BRWD1: variants seen among roughly 807,000 people sequenced by gnomAD.
BRWD1 encodes bromodomain and WD repeat-containing protein 1.
A neutral mutation model predicts 251.2 loss-of-function variants in BRWD1; 82 were observed. That is an observed-to-expected ratio of 0.33 (90% confidence interval 0.27 to 0.39). BRWD1 has a LOEUF of 0.39. Among genes scored for constraint, BRWD1 ranks in the 10% least tolerant of loss-of-function variants. The pLI is 1.00. For synonymous variants in BRWD1, 918 were observed against 902.8 expected (o/e 1.02, Z -0.30); for missense variants, 2,233 against 2,711.6 (o/e 0.82, Z 3.92).
At chr21:39,310,737 G>A (rs1392718957) in intron 4 of BRWD1, among the ~76,000 whole-genome samples, 3 of 152,196 alleles carry the variant, frequency 2.0e-5, no homozygotes, top group Non-Finnish European at 2.9e-5. Flanking sequence ...CTAGGCTGGA[G>A]CACAGTGGCT....
At chr21:39,216,820 A>G (rs1015379047) in intron 31 of BRWD1, 5 of 244,144 alleles carry the variant, frequency 2.0e-5, no homozygotes, top group Non-Finnish European at 4.0e-5. Context: ...GGGTACAAGT[A>G]CAGGATTGTT....
intron 32 of BRWD1, among the ~76,000 whole-genome samples, chr21:39,215,032 T>TA (rs1292180024): frequency 6.9e-6 from 1 of 144,364 alleles, no homozygotes; most frequent in African/African-American, 2.6e-5. Context: ...CACGCCCGGC[T>TA]AATTTTTGTA....
chr21:39,235,403 T>C (rs933096614), intron 23 of BRWD1: 1 of 153,226 alleles, frequency 6.5e-6, no homozygotes, highest in African/African-American at 2.4e-5. Context: ...TGCTGTGGCT[T>C]CTCTTCTGTG....
At chr21:39,257,215 A>T (rs1176232239) in intron 18 of BRWD1, among the ~76,000 whole-genome samples, 2 of 151,968 alleles carry the variant, frequency 1.3e-5, no homozygotes, top group South Asian at 2.1e-4. Flanking sequence ...AAAAAAAAAA[A>T]AAAAAATAGG....
Position 39,258,530 on chromosome 21 carries a change from A to G in BRWD1, c.2028T>C (p.Thr676=). The G allele has an allele frequency of 6.2e-7, 1 of 1,610,168 alleles. No individual in the cohort carries two copies. Among genetic ancestry groups the G allele is most frequent in the Non-Finnish European group, 8.5e-7 (1 of 1,178,134 alleles). The change falls in exon 18 of 41, where the codon ACT becomes ACC. Residue 676 remains threonine, a synonymous_variant. Coordinates refer to ENST00000342449, the MANE Select transcript of BRWD1 (RefSeq NM_033656.4). ...CACCATTTGAAAGTCCTCTTGGAAT[A>G]GTATCCTGATCTGCTCCCATTCTCT... ...QDQRMGADQD[T]IPRGLSNGEE...
At chr21:39,231,951 G>C (rs370185090) in intron 25 of BRWD1, among the ~76,000 whole-genome samples, 1 of 152,008 alleles carries the variant, frequency 6.6e-6, no homozygotes, top group African/African-American at 2.4e-5. Flanking sequence ...GAAACTCTAG[G>C]TTGTTGCATT....
chr21:39,294,149 CT>C, intron 7 of BRWD1, 117 bp from the exon 8 acceptor site: 1 of 750,394 alleles, frequency 1.3e-6, no homozygotes, highest in Non-Finnish European at 2.1e-6. Flanking sequence ...ATAGAATACT[CT>C]CTTATTTATG....
intron 36 of BRWD1, among the ~76,000 whole-genome samples, chr21:39,207,597 G>A (rs2032467245): frequency 6.6e-6 from 1 of 152,040 alleles, no homozygotes; most frequent in African/African-American, 2.4e-5. Context: ...CAGTGTAGTG[G>A]TTCCTGGAAA....
chr21:39,199,800 G>A, intron 39 of BRWD1, 138 bp from the exon 40 acceptor site: 9 of 899,590 alleles, frequency 1.0e-5, no homozygotes, highest in Non-Finnish European at 1.5e-5. Context: ...GCCCAGGCTG[G>A]AGTGCAATGG....
Position 39,195,105 on chromosome 21 carries a change from A to G in BRWD1, c.*1154T>C. ...GGATTATAAAATTATTTTCCCACAA[A>G]ACATGACAGTTTCTTATATTTGGAC... On this transcript the variant is annotated 3_prime_UTR_variant, in exon 41 of 41. Coordinates refer to ENST00000342449, the MANE Select transcript of BRWD1 (RefSeq NM_033656.4). 1 of 1,193,026 alleles carries G rather than the reference A, an allele frequency of 8.4e-7. No homozygotes were observed. The highest frequency in any genetic ancestry group is 1.6e-5 in the African/African-American group (1 of 63,370). The allele number at this position is 1,193,026 out of a possible 1,614,324, so 73.9% of individuals were successfully genotyped here.
chr21:39,206,772 G>C (rs1228171478), intron 36 of BRWD1, among the ~76,000 whole-genome samples: 1 of 152,200 alleles, frequency 6.6e-6, no homozygotes, highest in Admixed American at 6.5e-5. Flanking sequence ...TCCAGTAGCA[G>C]AAAGTATAAC....
chr21:39,288,825 A>C (rs2035721649), intron 8 of BRWD1, among the ~76,000 whole-genome samples: 1 of 152,236 alleles, frequency 6.6e-6, no homozygotes, highest in Admixed American at 6.5e-5. Flanking sequence ...CATGTTGAAT[A>C]GGCTGAAGAG....
intron 17 of BRWD1, among the ~76,000 whole-genome samples, chr21:39,260,311 T>C (rs563592015): frequency 6.6e-6 from 1 of 151,316 alleles, no homozygotes; most frequent in East Asian, 1.9e-4. Flanking sequence ...CTTTTTTTTC[T>C]TTTTGGTAGA....
At chr21:39,235,928 G>T in intron 23 of BRWD1, 1 of 193,694 alleles carries the variant, frequency 5.2e-6, no homozygotes, top group South Asian at 1.2e-4. Context: ...GGTCCTGCCA[G>T]ATCTGTGTCA....
At chr21:39,313,616 TACCGTGCGCGCCGCCTGG>T in exon 1 of BRWD1, 1 of 724,416 alleles carries the variant, frequency 1.4e-6, no homozygotes, top group Non-Finnish European at 1.9e-6. Context: ...GCCGCCGCCA[TACCGTGCGCGCCGCCTGG>T]ACCGACGCCT....
At chr21:39,316,080 A>G (rs58086329), upstream of BRWD1, among the ~76,000 whole-genome samples, 5 of 152,336 alleles carry the variant, frequency 3.3e-5, no homozygotes, top group East Asian at 9.6e-4. Flanking sequence ...GAAAGATTCT[A>G]AGCCAGGAAG....
At chr21:39,278,525 A>G in intron 10 of BRWD1, 1 of 481,190 alleles carries the variant, frequency 2.1e-6, no homozygotes, top group Non-Finnish European at 3.7e-6. Flanking sequence ...TTTACCAGCC[A>G]TCTCTTATAT....
At chr21:39,314,374 G>A (rs1404000350), upstream of BRWD1, 2 of 454,750 alleles carry the variant, frequency 4.4e-6, no homozygotes, top group African/African-American at 2.0e-5. Flanking sequence ...CGGGGGAGCA[G>A]CGCGCAGCTG....
At chr21:39,271,166 C>A (rs1357365101) in intron 13 of BRWD1, among the ~76,000 whole-genome samples, 1 of 151,988 alleles carries the variant, frequency 6.6e-6, no homozygotes, top group African/African-American at 2.4e-5. Context: ...GTGGCACACA[C>A]CTGTATTCCC....
Sources: gnomAD v4.1 joint callset for allele counts (sites outside exome capture counted in the v4.1 genomes callset) on GRCh38, gnomAD v4.1.1 for gene constraint, MANE v1.5 for transcripts, NCBI Gene and HGNC (gene_info 2026-07-23, HGNC 2026-07-21) for gene names.